The following TBC1D2B variants were observed in gnomAD, a reference collection of about 807,000 sequenced individuals.
TBC1D2B encodes TBC1 domain family member 2B.
Under a neutral mutation model 100.8 loss-of-function variants are expected in TBC1D2B, and 64 were observed. That is an observed-to-expected ratio of 0.64 (90% CI 0.52 to 0.78). The LOEUF is 0.78. TBC1D2B is among the 30% of genes least tolerant of loss of function. TBC1D2B has a pLI of 0.00. For missense variants in TBC1D2B, 1,052 were observed against 1,218.4 expected (o/e 0.86, Z 2.03); for synonymous variants, 480 against 479.7 (o/e 1.00, Z -0.01).
At chr15:78,010,660 G>T (rs1403412245) in intron 9 of TBC1D2B, among the ~76,000 whole-genome samples, 1 of 152,036 alleles carries the variant, frequency 6.6e-6, no homozygotes, top group African/African-American at 2.4e-5. Context: ...AGGAGAAGGG[G>T]TAGAGAGTCT....
chr15:78,059,739 T>C (rs948865392), intron 1 of TBC1D2B, among the ~76,000 whole-genome samples: 9 of 152,154 alleles, frequency 5.9e-5, no homozygotes, highest in African/African-American at 2.2e-4. Flanking sequence ...TGGCCACCTG[T>C]TCCTCCTCTT....
intron 5 of TBC1D2B, 124 bp from the exon 6 acceptor site, chr15:78,024,663 A>G (rs1293898078): frequency 2.3e-6 from 2 of 857,676 alleles, no homozygotes; most frequent in Non-Finnish European, 3.5e-6. Context: ...TTTACTGGAA[A>G]CATTTTAATA....
intron 6 of TBC1D2B, among the ~76,000 whole-genome samples, chr15:78,019,592 A>T (rs199524004): frequency 7.5e-5 from 11 of 147,524 alleles, no homozygotes; most frequent in Admixed American, 2.0e-4. Flanking sequence ...TTTTTTTTTT[A>T]AAGAAACAAG....
chr15:78,040,711 A>G (rs1305010449), intron 3 of TBC1D2B, among the ~76,000 whole-genome samples: 1 of 136,674 alleles, frequency 7.3e-6, no homozygotes, highest in Non-Finnish European at 1.6e-5. Context: ...GGGAGGGAGG[A>G]AGGAAGGAGA....
At chr15:78,018,857 G>A (rs1356547140) in intron 6 of TBC1D2B, among the ~76,000 whole-genome samples, 1 of 152,134 alleles carries the variant, frequency 6.6e-6, no homozygotes, top group East Asian at 1.9e-4. Flanking sequence ...AAGCTGCTAA[G>A]GATACTAAAC....
chr15:78,070,846 G>A (rs888420438), intron 1 of TBC1D2B, among the ~76,000 whole-genome samples: 7 of 151,974 alleles, frequency 4.6e-5, no homozygotes, highest in African/African-American at 1.7e-4. Flanking sequence ...TTTTGAGACA[G>A]AGTTTCGCTC....
intron 3 of TBC1D2B, among the ~76,000 whole-genome samples, chr15:78,044,195 T>C (rs1004584154): frequency 2.0e-5 from 3 of 152,146 alleles, no homozygotes; most frequent in Non-Finnish European, 4.4e-5. Context: ...AAATTGATTG[T>C]GGTGATGGAA....
chr15:78,035,166 C>G (rs941886022), intron 3 of TBC1D2B, among the ~76,000 whole-genome samples: 3 of 152,224 alleles, frequency 2.0e-5, no homozygotes, highest in African/African-American at 7.2e-5. Flanking sequence ...CACCACGAAG[C>G]AGCAAAACAG....
intron 4 of TBC1D2B, among the ~76,000 whole-genome samples, chr15:78,026,826 G>A (rs749467874): frequency 6.6e-6 from 1 of 151,616 alleles, no homozygotes; most frequent in East Asian, 1.9e-4. Flanking sequence ...ACTTGAACCC[G>A]GGAGGCAAAG....
chr15:78,048,940 G>C (rs1289260292), intron 2 of TBC1D2B, among the ~76,000 whole-genome samples: 2 of 152,218 alleles, frequency 1.3e-5, no homozygotes, highest in South Asian at 4.1e-4. Context: ...CAAGAAAGGA[G>C]AAAAGAACAC....
chr15:78,014,052 G>T (rs2072306067), intron 8 of TBC1D2B, among the ~76,000 whole-genome samples: 1 of 152,228 alleles, frequency 6.6e-6, no homozygotes, highest in Non-Finnish European at 1.5e-5. Flanking sequence ...AATGCAGGGG[G>T]CTCTAGAAGA....
intron 7 of TBC1D2B, 140 bp from the exon 8 acceptor site, chr15:78,016,879 T>G: frequency 4.5e-6 from 3 of 668,354 alleles, no homozygotes; most frequent in Non-Finnish European, 2.4e-6. Flanking sequence ...AGACAAGAAA[T>G]TAATTTATGC....
At position 78,077,346 on chromosome 15, in the gene TBC1D2B, C is replaced by G. The variant is rs761904585; in HGVS notation, c.307G>C (p.Glu103Gln). 1.3e-6 allele frequency: 2 copies of G among 1,538,350 alleles called. No homozygotes were observed. Among genetic ancestry groups the G allele is most frequent in the South Asian group, 2.4e-5 (2 of 82,928 alleles). Residue 103 changes from glutamate (E) to glutamine (Q), a missense_variant, in exon 1 of 13, where the codon GAG (glutamate) becomes CAG (glutamine). Coordinates refer to ENST00000300584, the MANE Select transcript of TBC1D2B (RefSeq NM_144572.2). The part of the protein sequence containing the change: ...GPDEAAEPGT[E>Q]PPAHFQVHSA... ...TGCACCTGGAAGTGCGCGGGCGGCTCCGTGCCCGGCTCCGCCGCCTCGTCG... is the reference window on the plus strand; with the variant it reads ...TGCACCTGGAAGTGCGCGGGCGGCTGCGTGCCCGGCTCCGCCGCCTCGTCG...
At chr15:78,011,574 G>A (rs1169807076) in intron 9 of TBC1D2B, among the ~76,000 whole-genome samples, 3 of 147,996 alleles carry the variant, frequency 2.0e-5, no homozygotes, top group Non-Finnish European at 3.0e-5. Context: ...GGGCTCAAGC[G>A]ATCCTCCCAC....
intron 2 of TBC1D2B, 171 bp downstream of exon 2, chr15:78,053,863 C>G (rs948695232): frequency 5.5e-6 from 4 of 728,864 alleles, no homozygotes; most frequent in African/African-American, 3.6e-5. Context: ...ACTGGGCTTG[C>G]ATAAGCTTTG....
chr15:78,032,794 C>A (rs376694269), intron 3 of TBC1D2B, among the ~76,000 whole-genome samples: 7 of 151,858 alleles, frequency 4.6e-5, no homozygotes, highest in African/African-American at 1.2e-4. Flanking sequence ...TTGGATGACC[C>A]TGCAATAGAA....
In TBC1D2B at chr15:78,006,625, G is replaced by A. The variant is rs146450564; in HGVS notation, c.2388+2372C>T. The stretch of plus-strand genomic sequence containing the variant: ...TTTAGGCCCAGAGTTGCAGAGGCCT[G>A]AGTTCAAACCCCAGCTCAGCCCCTC... On this transcript the variant is annotated intron_variant, in intron 10 of 12. Coordinates refer to ENST00000300584, the MANE Select transcript of TBC1D2B (RefSeq NM_144572.2). 3.2e-4 allele frequency among the ~76,000 whole-genome samples: 49 copies of A among 152,314 alleles called. 2 individuals carry two copies. In the East Asian group the frequency reaches 8.5e-3, roughly 26 times the overall value.
intron 6 of TBC1D2B, among the ~76,000 whole-genome samples, chr15:78,023,338 G>A (rs956895399): frequency 4.6e-5 from 7 of 152,140 alleles, no homozygotes; most frequent in African/African-American, 1.7e-4. Flanking sequence ...CATGTCCTGG[G>A]GGCCACTTGT....
chr15:78,034,721 C>T (rs1222991943), intron 3 of TBC1D2B: 5 of 985,396 alleles, frequency 5.1e-6, no homozygotes, highest in Middle Eastern at 5.2e-4. Context: ...GCTGGAGGTG[C>T]GGTGCTACTT....
Sources: gnomAD v4.1 joint callset for allele counts (sites outside exome capture counted in the v4.1 genomes callset) on GRCh38, gnomAD v4.1.1 for gene constraint, MANE v1.5 for transcripts, NCBI Gene and HGNC (gene_info 2026-07-23, HGNC 2026-07-21) for gene names.